FAP: variants seen among roughly 807,000 people sequenced by gnomAD.
The protein encoded by FAP is fibroblast activation protein alpha, also known as prolyl endopeptidase FAP.
Under a neutral mutation model 126.5 loss-of-function variants are expected in FAP, and 110 were observed. That is an observed-to-expected ratio of 0.87 (90% confidence interval 0.74 to 1.02). FAP has a LOEUF of 1.02. Among genes scored for constraint, FAP ranks in the 50% least tolerant of loss-of-function variants. FAP has a pLI of 0.00. For synonymous variants in FAP, 334 were observed against 297.3 expected (o/e 1.12, Z -1.27); for missense variants, 919 against 909.2 (o/e 1.01, Z -0.14).
chr2:162,174,755 C>A, intron 22 of FAP, 112 bp downstream of exon 22: 1 of 624,266 alleles, frequency 1.6e-6, no homozygotes, highest in Non-Finnish European at 2.8e-6. Flanking sequence ...TATATTTTCC[C>A]CAGTGATGCT....
chr2:162,234,730 C>T (rs769873946), intron 2 of FAP, among the ~76,000 whole-genome samples: 1 of 152,190 alleles, frequency 6.6e-6, no homozygotes, highest in Non-Finnish European at 1.5e-5. Context: ...CTCTGGGTGC[C>T]TCCTCGGCCT....
At chr2:162,197,905 G>A (rs757122629) in intron 16 of FAP, among the ~76,000 whole-genome samples, 1 of 152,178 alleles carries the variant, frequency 6.6e-6, no homozygotes, top group Non-Finnish European at 1.5e-5. Context: ...GGAGGGAGGT[G>A]ACAGAGATTG....
rs758811454 is a variant in FAP, at chr2:162,219,195, G to A, written c.487-12C>T. 1.9e-6 allele frequency: 3 copies of A among 1,597,882 alleles called. No individual in the cohort carries two copies. In the Admixed American group the frequency reaches 5.1e-5, roughly 27 times the overall value. ...TGATAGACATATGCCTAAAAGTGGTGGTAAGGGGAAATTCCACAACAAATT... is the reference window on the plus strand; with the variant it reads ...TGATAGACATATGCCTAAAAGTGGTAGTAAGGGGAAATTCCACAACAAATT... On this transcript the variant is annotated splice_polypyrimidine_tract_variant and intron_variant, in intron 7 of 25. Transcript: ENST00000188790.
At position 162,209,942 on chromosome 2, in the gene FAP, A is replaced by G. The variant is rs1464281155; in HGVS notation, c.1047+10T>C. On this transcript the variant is annotated intron_variant, in intron 12 of 25. Transcript: ENST00000188790. ...CATTAAAACATAAGAAAAAGATAGCAAAATCATACTCCACCAGCCCATCCA... is the reference window on the plus strand; with the variant it reads ...CATTAAAACATAAGAAAAAGATAGCGAAATCATACTCCACCAGCCCATCCA... The G allele has an allele frequency of 6.2e-7, 1 of 1,611,864 alleles. No homozygotes were observed. Among genetic ancestry groups the G allele is most frequent in the Non-Finnish European group, 8.5e-7 (1 of 1,178,652 alleles).
chr2:162,202,729 G>C (rs755367941), intron 14 of FAP, 143 bp downstream of exon 14: 36 of 509,984 alleles, frequency 7.1e-5, no homozygotes, highest in Non-Finnish European at 9.2e-5. Flanking sequence ...TATTAAAAAT[G>C]TGCAATCGTA....
intron 25 of FAP, chr2:162,172,590 T>C (rs1687348496): frequency 4.1e-6 from 2 of 488,774 alleles, no homozygotes; most frequent in Non-Finnish European, 3.7e-6. Context: ...CTCCTTTATT[T>C]TACATGACTC....
At chr2:162,198,350 C>T (rs1688346259) in intron 16 of FAP, 1 of 1,283,004 alleles carries the variant, frequency 7.8e-7, no homozygotes, top group African/African-American at 1.5e-5. Flanking sequence ...AAAAGTCCAG[C>T]AACCATTTTA....
At chr2:162,213,761 A>G (rs995597808) in intron 11 of FAP, among the ~76,000 whole-genome samples, 177 bp downstream of exon 11, 4 of 152,230 alleles carry the variant, frequency 2.6e-5, no homozygotes, top group Non-Finnish European at 5.9e-5. Flanking sequence ...AATAAAAGGT[A>G]TCCTATTTAT....
rs1485045995 is a variant in FAP at position 162,170,990 on chromosome 2, A to C, written c.2272T>G (p.Leu758Val). The C allele has an allele frequency of 6.2e-7, 1 of 1,612,894 alleles. No homozygotes were observed. The highest frequency in any genetic ancestry group is 1.7e-5 in the Admixed American group (1 of 59,954). Residue 758 changes from leucine to valine, a missense_variant, in exon 26 of 26, where the codon TTG (leucine) becomes GTG (valine). Transcript: ENST00000188790. ...MTHFLKQCFS[L>V]SD ...CATCTGCATCGTTTTTAGTCTGACA[A>C]AGAGAAACACTGCTTTAGGAAGTGG...
chr2:162,215,914 C>A lies in FAP; in HGVS notation c.850G>T (p.Ala284Ser). 4 of 1,613,262 alleles carry A rather than the reference C, an allele frequency of 2.5e-6. No homozygotes were observed. Among genetic ancestry groups the A allele is most frequent in the Non-Finnish European group, 3.4e-6 (4 of 1,179,212 alleles). ...YVGPQEVPVP[A>S]MIASSDYYFS... ...ATGAACTACCTTGAGGCTATCATTG[C>A]TGGAACAGGCACTTCCTGGGGACCT... The change falls in exon 10 of 26, where the codon GCA becomes TCA. Residue 284 changes from alanine to serine, a missense_variant. Transcript: ENST00000188790.
At chr2:162,203,609 G>A (rs376642399) in intron 12 of FAP, among the ~76,000 whole-genome samples, 1 of 152,152 alleles carries the variant, frequency 6.6e-6, no homozygotes, top group African/African-American at 2.4e-5. Flanking sequence ...AAGATGAAAA[G>A]ATCATGGCTT....
chr2:162,188,071 A>G, intron 20 of FAP, 98 bp downstream of exon 20: 3 of 1,033,214 alleles, frequency 2.9e-6, no homozygotes, highest in Non-Finnish European at 4.3e-6. Flanking sequence ...TAGAAAAAGA[A>G]AAACAAAAGA....
At chr2:162,179,815 T>A (rs1192244610) in intron 21 of FAP, among the ~76,000 whole-genome samples, 32 of 140,342 alleles carry the variant, frequency 2.3e-4, no homozygotes, top group African/African-American at 5.2e-4. Context: ...TATATATATT[T>A]TTTTTTTTTT....
At chr2:162,221,321 G>A (rs936155717) in intron 6 of FAP, among the ~76,000 whole-genome samples, 1 of 152,086 alleles carries the variant, frequency 6.6e-6, no homozygotes, top group African/African-American at 2.4e-5. Context: ...CTTGAGGCCA[G>A]GAGTTCGAGA....
rs1689227848 is a variant in FAP at position 162,218,129 on chromosome 2, C to G, written c.619G>C (p.Ala207Pro). 1 of 1,599,448 alleles carries G rather than the reference C, an allele frequency of 6.3e-7. No individual in the cohort carries two copies. Among genetic ancestry groups the G allele is most frequent in the Non-Finnish European group, 8.5e-7 (1 of 1,173,850 alleles). ...PDWVYEEEML[A>P]TKYALWWSPN... ...GACCACCAGAGAGCATATTTTGTAG[C>G]AAGCATTTCCTCTGAAAAATAAGTA... The change falls in exon 9 of 26, where the codon GCT (alanine) becomes CCT (proline). Residue 207 changes from alanine to proline, a missense_variant. Coordinates refer to ENST00000188790, the MANE Select transcript of FAP (RefSeq NM_004460.5).
intron 14 of FAP, among the ~76,000 whole-genome samples, chr2:162,201,569 T>C (rs1181157054): frequency 6.6e-6 from 1 of 152,148 alleles, no homozygotes; most frequent in Non-Finnish European, 1.5e-5. Flanking sequence ...TGTGGAAGCT[T>C]CCCTGATTGT....
intron 6 of FAP, 45 bp downstream of exon 6, chr2:162,223,563 C>T: frequency 8.6e-7 from 1 of 1,161,742 alleles, no homozygotes; most frequent in Non-Finnish European, 1.3e-6. Flanking sequence ...TGAAAACATT[C>T]TAGGTATTAG....
chr2:162,224,564 A>G (rs1326488404), intron 4 of FAP, 24 bp from the exon 5 acceptor site: 8 of 1,430,524 alleles, frequency 5.6e-6, no homozygotes, highest in Admixed American at 2.1e-5. Flanking sequence ...GAGGTTGATT[A>G]GAATACAGAA....
chr2:162,222,897 G>A (rs1006619635), intron 6 of FAP, among the ~76,000 whole-genome samples: 6 of 151,972 alleles, frequency 3.9e-5, no homozygotes, highest in Non-Finnish European at 8.8e-5. Flanking sequence ...TTTCTCAAAC[G>A]CACAATGCTC....
Sources: gnomAD v4.1 joint callset for allele counts (sites outside exome capture counted in the v4.1 genomes callset) on GRCh38, gnomAD v4.1.1 for gene constraint, MANE v1.5 for transcripts, NCBI Gene and HGNC (gene_info 2026-07-23, HGNC 2026-07-21) for gene names.